The following CC2D2A variants were observed in gnomAD, a reference collection of about 807,000 sequenced individuals.
CC2D2A encodes coiled-coil and C2 domain containing 2A.
A neutral mutation model predicts 212.9 loss-of-function variants in CC2D2A; 155 were observed. The observed-to-expected ratio is 0.73, with a 90% CI of 0.64 to 0.83. The LOEUF (loss-of-function observed/expected upper bound fraction) is 0.83, where lower values mean the gene tolerates loss of function less well. CC2D2A is among the 40% of genes least tolerant of loss of function. The probability of loss-of-function intolerance (pLI) is 0.00; values close to 1 mark genes in which losing one functional copy is unlikely to be tolerated. For synonymous variants in CC2D2A, 667 were observed against 686.5 expected, an observed-to-expected ratio of 0.97 and a Z score of 0.44; for missense variants, 1,856 against 1,956.2, an observed-to-expected ratio of 0.95 and a Z score of 0.97.
intron 33 of CC2D2A, among the ~76,000 whole-genome samples, chr4:15,595,388 C>G (rs984887089): frequency 2.0e-5 from 3 of 152,154 alleles, no homozygotes; most frequent in Admixed American, 6.5e-5. Flanking sequence ...AATAGACAGG[C>G]AATTATAAAC....
At chr4:15,544,691 G>C in intron 17 of CC2D2A, among the ~76,000 whole-genome samples, 1 of 152,186 alleles carries the variant, frequency 6.6e-6, no homozygotes, top group East Asian at 1.9e-4. Context: ...TAGAGGGAGA[G>C]ACTATCTTCT....
chr4:15,548,633 T>A (rs1350296961), intron 17 of CC2D2A, among the ~76,000 whole-genome samples: 1 of 152,140 alleles, frequency 6.6e-6, no homozygotes, highest in Non-Finnish European at 1.5e-5. Flanking sequence ...CATCATTTTC[T>A]TGGGAAAAGA....
chr4:15,528,581 G>C (rs771266178), intron 12 of CC2D2A, 39 bp from the exon 13 acceptor site: 4 of 1,563,544 alleles, frequency 2.6e-6, no homozygotes, highest in African/African-American at 2.7e-5. Flanking sequence ...GTAGGGAATA[G>C]AGTTTGTAAC....
rs377761917 is a variant in CC2D2A, at chr4:15,494,391, C to A, written c.248-8038C>A. 1.3e-4 allele frequency among the ~76,000 whole-genome samples: 20 copies of A among 152,186 alleles called. No individual in the cohort carries two copies. The East Asian group carries it at 2.3e-3, about 18-fold the overall frequency. Reference sequence around the variant, plus strand: ...GCTAGTGGGACTCGGAAAGAGTGAGCCTGGGAGAACTAGAAAAAAAGATAG... The same window carrying A: ...GCTAGTGGGACTCGGAAAGAGTGAGACTGGGAGAACTAGAAAAAAAGATAG... On this transcript the variant is annotated intron_variant, in intron 4 of 36. Coordinates refer to ENST00000424120, the MANE Select transcript of CC2D2A (RefSeq NM_001378615.1).
chr4:15,539,723 A>G (rs1252813218), intron 16 of CC2D2A, among the ~76,000 whole-genome samples: 1 of 152,202 alleles, frequency 6.6e-6, no homozygotes, highest in Non-Finnish European at 1.5e-5. Flanking sequence ...TGAATGTTCA[A>G]AATATGTGAT....
intron 6 of CC2D2A, among the ~76,000 whole-genome samples, chr4:15,503,266 G>A (rs1425996335): frequency 6.6e-6 from 1 of 152,146 alleles, no homozygotes; most frequent in Non-Finnish European, 1.5e-5. Context: ...TTAGGCCACT[G>A]CAGTCCTGCC....
intron 4 of CC2D2A, among the ~76,000 whole-genome samples, chr4:15,492,030 A>G (rs576175500): frequency 1.2e-3 from 187 of 152,300 alleles, no homozygotes; most frequent in African/African-American, 4.2e-3. Context: ...ACGTTTCTCT[A>G]GATCTATTAT....
In CC2D2A at chr4:15,597,477, T is replaced by G. The variant is rs754326845; in HGVS notation, c.4496+12T>G. ...GAGCTACAAGACAGGTAACATAACATCCATAAATCCACATGTAATCTGTCA... is the reference window on the plus strand; with the variant it reads ...GAGCTACAAGACAGGTAACATAACAGCCATAAATCCACATGTAATCTGTCA... On this transcript the variant is annotated intron_variant, in intron 35 of 36. Transcript: ENST00000424120. The G allele has an allele frequency of 1.4e-5, 21 of 1,548,244 alleles. No homozygotes were observed. Among genetic ancestry groups the G allele is most frequent in the Non-Finnish European group, 1.6e-5 (18 of 1,143,410 alleles).
chr4:15,579,383 G>A (rs1361415186), intron 29 of CC2D2A, among the ~76,000 whole-genome samples: 1 of 151,832 alleles, frequency 6.6e-6, no homozygotes, highest in African/African-American at 2.4e-5. Flanking sequence ...GAACCAAGAT[G>A]AGCAACCAGT....
intron 19 of CC2D2A, among the ~76,000 whole-genome samples, chr4:15,554,064 T>A (rs1437674759): frequency 2.0e-5 from 3 of 152,198 alleles, no homozygotes; most frequent in Admixed American, 2.0e-4. Context: ...TCAATCCCCA[T>A]AACGACCACA....
At chr4:15,541,260 A>C (rs993378446) in intron 17 of CC2D2A, among the ~76,000 whole-genome samples, 2 of 152,068 alleles carry the variant, frequency 1.3e-5, no homozygotes, top group Non-Finnish European at 2.9e-5. Context: ...TGGAGGTTGC[A>C]TTGAGCTGAG....
At chr4:15,578,974 T>C (rs1460349796) in intron 29 of CC2D2A, among the ~76,000 whole-genome samples, 1 of 152,102 alleles carries the variant, frequency 6.6e-6, no homozygotes, top group East Asian at 1.9e-4. Context: ...AAATTTTCAA[T>C]TTGTTCTGAA....
intron 9 of CC2D2A, 135 bp downstream of exon 9, chr4:15,515,004 C>A: frequency 4.1e-6 from 3 of 740,082 alleles, no homozygotes; most frequent in South Asian, 2.3e-5. Flanking sequence ...GAAATATCTT[C>A]AAACAAACAA....
intron 22 of CC2D2A, among the ~76,000 whole-genome samples, chr4:15,560,242 T>G (rs1184962917): frequency 6.6e-6 from 1 of 152,204 alleles, no homozygotes; most frequent in African/African-American, 2.4e-5. Flanking sequence ...TAATGGTTAA[T>G]TCATTATTTC....
At chr4:15,559,669 T>TTTTCCTTCTTTTTTTG (rs71179637) in intron 22 of CC2D2A, among the ~76,000 whole-genome samples, 26,711 of 151,740 alleles carry the variant, frequency 0.18, 2,726 homozygotes, top group African/African-American at 0.28. Flanking sequence ...CGTTTGTCCT[T>TTTTCCTTCTTTTTTTG]TTTCCTTCTT....
At position 15,480,760 on chromosome 4, in the gene CC2D2A, C is replaced by A. The variant is rs771289067; in HGVS notation, c.180C>A (p.Pro60=). ...CCGAAAAATCCCACCTTGGCAACCCCCAGGAGCCTGTGCAGGAGGAGCCCA... is the reference window on the plus strand; with the variant it reads ...CCGAAAAATCCCACCTTGGCAACCCACAGGAGCCTGTGCAGGAGGAGCCCA... ...MVSEKSHLGN[P]QEPVQEEPKT... is the part of the protein sequence containing the mutation. Residue 60 remains proline, a synonymous_variant, in exon 4 of 37, where the codon CCC becomes CCA. Coordinates refer to ENST00000424120, the MANE Select transcript of CC2D2A (RefSeq NM_001378615.1). 6.2e-7 allele frequency: 1 copy of A among 1,613,094 alleles called. No individual in the cohort carries two copies. Among genetic ancestry groups the A allele is most frequent in the Non-Finnish European group, 8.5e-7 (1 of 1,179,568 alleles).
chr4:15,582,123 G>A (rs920476483), intron 30 of CC2D2A, among the ~76,000 whole-genome samples: 2 of 152,086 alleles, frequency 1.3e-5, no homozygotes, highest in Non-Finnish European at 2.9e-5. Context: ...CATTGGAATT[G>A]ACAGGCAGAT....
At chr4:15,579,005 C>T (rs1720533002) in intron 29 of CC2D2A, among the ~76,000 whole-genome samples, 1 of 125,072 alleles carries the variant, frequency 8.0e-6, no homozygotes, top group African/African-American at 3.0e-5. Context: ...ATGTAACCAA[C>T]TATGAAAATA....
rs781100427 is a variant in CC2D2A at position 15,511,335 on chromosome 4, C to A, written c.629C>A (p.Pro210Gln). ...GAACCAGAAGGATCAGAGGAAAAACCAAAAGCAAGACATAGAGCGGGAACT... is the reference window on the plus strand; with the variant it reads ...GAACCAGAAGGATCAGAGGAAAAACAAAAAGCAAGACATAGAGCGGGAACT... ...DPEPEGSEEKPKARHRAGTNQ... is the reference protein window; with the variant it reads ...DPEPEGSEEKQKARHRAGTNQ... The change falls in exon 8 of 37, where the codon CCA becomes CAA. Residue 210 changes from proline to glutamine, a missense_variant. Physicochemically the swap from Pro to Gln is moderately conservative, Grantham distance 76. Transcript: ENST00000424120. 2.5e-6 allele frequency: 4 copies of A among 1,597,096 alleles called. No homozygotes were observed. The highest frequency in any genetic ancestry group is 4.6e-5 in the East Asian group (2 of 43,850).
Sources: gnomAD v4.1 joint callset for allele counts (sites outside exome capture counted in the v4.1 genomes callset) on GRCh38, gnomAD v4.1.1 for gene constraint, MANE v1.5 for transcripts, NCBI Gene and HGNC (gene_info 2026-07-23, HGNC 2026-07-21) for gene names.